CENPU: variants seen among roughly 807,000 people sequenced by gnomAD.
CENPU encodes the protein centromere protein U.
CENPU carries 46 observed loss-of-function variants against 56.7 expected under a neutral mutation model. The ratio of observed to expected loss-of-function variants is 0.81; its 90% CI spans 0.64 to 1.04. The LOEUF (loss-of-function observed/expected upper bound fraction) is 1.04. Among genes scored for constraint, CENPU ranks in the 50% least tolerant of loss-of-function variants. The pLI, the probability that CENPU is intolerant of heterozygous loss-of-function variation, is 0.00. For missense variants in CENPU, 510 were observed against 490.1 expected, an observed-to-expected ratio of 1.04 and a Z score of -0.38; for synonymous variants, 166 against 163.0, an observed-to-expected ratio of 1.02 and a Z score of -0.14.
At chr4:184,722,015 A>G (rs570038456) in intron 4 of CENPU, among the ~76,000 whole-genome samples, 131 of 152,376 alleles carry the variant, frequency 8.6e-4, no homozygotes, top group African/African-American at 2.9e-3. Flanking sequence ...CAAGTCTTAA[A>G]ACATTTTTTA....
At chr4:184,733,421 C>T (rs918489963) in intron 1 of CENPU, 1 of 993,378 alleles carries the variant, frequency 1.0e-6, no homozygotes, top group Non-Finnish European at 1.2e-6. Flanking sequence ...CCAGGCCGGG[C>T]CTTGGATGGC....
intron 8 of CENPU, among the ~76,000 whole-genome samples, chr4:184,705,897 C>A (rs571272089): frequency 6.6e-6 from 1 of 152,246 alleles, no homozygotes; most frequent in African/African-American, 2.4e-5. Flanking sequence ...GTGAAGTATT[C>A]GAAGTAGTCA....
At chr4:184,721,264 A>G (rs1316403317) in intron 4 of CENPU, among the ~76,000 whole-genome samples, 2 of 152,044 alleles carry the variant, frequency 1.3e-5, no homozygotes, top group Non-Finnish European at 2.9e-5. Context: ...AATACATAAA[A>G]AGAGCAAGAA....
rs192606008 is a variant in CENPU, at chr4:184,717,101, C to T, written c.381+35G>A. On this transcript the variant is annotated intron_variant, in intron 5 of 12. Transcript: ENST00000281453. ...ACTTGCATCCAATCAAACTATATTA[C>T]AAATTAAAGTAGAAGAGTGAATACT... The T allele has an allele frequency of 4.9e-5, 70 of 1,418,588 alleles. No individual in the cohort carries two copies. In the East Asian group the frequency reaches 1.6e-3, roughly 31 times the overall value. The allele number at this position is 1,418,588 out of a possible 1,614,324, so 87.9% of individuals were successfully genotyped here. A position where few individuals can be genotyped will look rare whatever the true frequency, so the allele number is the denominator to read the frequency against.
chr4:184,701,020 G>A, intron 10 of CENPU, 139 bp from the exon 11 acceptor site: 1 of 684,098 alleles, frequency 1.5e-6, no homozygotes, highest in South Asian at 1.6e-5. Context: ...TAATGGGGAA[G>A]ACAGACATTA....
rs183507398 is a variant in CENPU at position 184,734,068 on chromosome 4, C to T, written c.-6G>A. 10 of 1,550,722 alleles carry T rather than the reference C, an allele frequency of 6.4e-6. No individual in the cohort carries two copies. In the East Asian group the frequency reaches 9.7e-5, roughly 15 times the overall value. ...CGCCGCCCCCGCGGGGCCATGGTGC[C>T]GCTCTCCGCTCTCGAGCGACTGGAA... On this transcript the variant is annotated 5_prime_UTR_variant, in exon 1 of 13. Coordinates refer to ENST00000281453, the MANE Select transcript of CENPU (RefSeq NM_024629.4).
intron 4 of CENPU, among the ~76,000 whole-genome samples, chr4:184,720,053 C>G (rs1291472536): frequency 6.6e-6 from 1 of 152,088 alleles, no homozygotes; most frequent in Non-Finnish European, 1.5e-5. Context: ...AGGGACCAAT[C>G]CTGGAGAAAC....
rs774332532 is a variant in CENPU, at chr4:184,699,621, A to G, written c.986+1199T>C. ...CCAGAGACTCAATTTAGAAACCAAC[A>G]GATTAGACAACTGCTTTCTCCCACT... On this transcript the variant is annotated intron_variant, in intron 11 of 12. Coordinates refer to ENST00000281453, the MANE Select transcript of CENPU (RefSeq NM_024629.4). The G allele has an allele frequency of 2.3e-6, 3 of 1,288,374 alleles. No individual in the cohort carries two copies. The South Asian group carries it at 3.7e-5, about 16-fold the overall frequency. The allele number at this position is 1,288,374 out of a possible 1,614,324, so 79.8% of individuals were successfully genotyped here.
At chr4:184,719,319 G>A (rs982412229) in intron 4 of CENPU, among the ~76,000 whole-genome samples, 1 of 152,210 alleles carries the variant, frequency 6.6e-6, no homozygotes, top group African/African-American at 2.4e-5. Flanking sequence ...TGGCTGCGTG[G>A]CACAGAGAAT....
At chr4:184,698,812 C>T (rs1314885500) in intron 11 of CENPU, among the ~76,000 whole-genome samples, 1 of 152,294 alleles carries the variant, frequency 6.6e-6, no homozygotes, top group South Asian at 2.1e-4. Flanking sequence ...AACTGGCAGC[C>T]ATGGTCAGGA....
intron 8 of CENPU, among the ~76,000 whole-genome samples, chr4:184,703,478 AT>A (rs903419928): frequency 1.3e-5 from 2 of 152,308 alleles, no homozygotes; most frequent in African/African-American, 4.8e-5. Flanking sequence ...GATGGCTATT[AT>A]TAAAAAAAAA....
Position 184,695,207 on chromosome 4 carries a change from T to C in CENPU, c.*81A>G, listed in dbSNP as rs879899009. On this transcript the variant is annotated 3_prime_UTR_variant, in exon 13 of 13. Transcript: ENST00000281453. Reference sequence around the variant, plus strand: ...AGGCCATAACTTCTTTGCAAAACAATTGATTTATAAAGGTACAGTTTCAGA... The same window carrying C: ...AGGCCATAACTTCTTTGCAAAACAACTGATTTATAAAGGTACAGTTTCAGA... 11 of 939,510 alleles carry C rather than the reference T, an allele frequency of 1.2e-5. No individual in the cohort carries two copies. Among genetic ancestry groups the C allele is most frequent in the South Asian group, 6.9e-5 (5 of 72,498 alleles). The allele number at this position is 939,510 out of a possible 1,614,324, so 58.2% of individuals were successfully genotyped here.
intron 11 of CENPU, chr4:184,698,321 A>G (rs1386893515): frequency 6.6e-6 from 1 of 152,296 alleles, no homozygotes; most frequent in South Asian, 2.1e-4. Context: ...TTCTTCATCT[A>G]TAAAATAAAA....
rs559672304 is a variant in CENPU, at chr4:184,705,591, T to C, written c.798-3150A>G. Among the ~76,000 whole-genome samples, 183 of 151,302 alleles carry C rather than the reference T, an allele frequency of 1.2e-3. 1 individual carries two copies. Among genetic ancestry groups the C allele is most frequent in the African/African-American group, 4.2e-3 (174 of 41,140 alleles). On this transcript the variant is annotated intron_variant, in intron 8 of 12. Transcript: ENST00000281453. ...GAAGACATTTAATTAAAAAAAAAAG[T>C]TGTAACTTGTTATTACACATTGAAC...
chr4:184,730,774 G>T lies in CENPU; in HGVS notation c.96+146C>A, dbSNP rs980251158. The T allele has an allele frequency of 1.9e-5, 10 of 536,822 alleles. No homozygotes were observed. The East Asian group carries it at 2.9e-4, about 16-fold the overall frequency. The allele number at this position is 536,822 out of a possible 1,614,324, so 33.3% of individuals were successfully genotyped here. ...CAAAAGTCATTTTATCCACTATACC[G>T]GAAAAAGTGTGAGGAAAATGAACAC... On this transcript the variant is annotated intron_variant, in intron 2 of 12. Transcript: ENST00000281453.
intron 1 of CENPU, among the ~76,000 whole-genome samples, chr4:184,731,881 C>CTGTGTGTG (rs1491100516): frequency 3.4e-3 from 87 of 25,606 alleles, no homozygotes; most frequent in African/African-American, 0.011. Context: ...TACTCATGTG[C>CTGTGTGTG]TCTGTGTGTG....
At position 184,717,198 on chromosome 4, in the gene CENPU, T is replaced by C. The variant is rs752413881; in HGVS notation, c.321-2A>G. ...GCTTCATTTCCAGAAGTGTCTGAAC[T>C]GTAAAAAGTACAAGCCATCAATATC... On this transcript the variant is annotated splice_acceptor_variant, in intron 4 of 12. Transcript: ENST00000281453. LOFTEE classifies it high-confidence loss of function. 3.7e-6 allele frequency: 6 copies of C among 1,610,244 alleles called. No individual in the cohort carries two copies. The highest frequency in any genetic ancestry group is 5.1e-6 in the Non-Finnish European group (6 of 1,178,338).
At position 184,724,965 on chromosome 4, in the gene CENPU, TG is replaced by T. The variant is rs781565227; in HGVS notation, c.311del (p.Ala104GlufsTer18). ...SLSSTPPGKEAKRSSDTSGNE... is the reference protein window; with the variant it reads ...SLSSTPPGKEXKRSSDTSGNE... ...TTGAAATACACCAGTACCTTCTTTT[TG>T]CTTCTTTTCCTGGAGGAGTTGAAGA... On this transcript the variant is annotated frameshift_variant, in exon 4 of 13. Transcript: ENST00000281453. LOFTEE classifies it high-confidence loss of function. 3 of 1,604,654 alleles carry T rather than the reference TG, an allele frequency of 1.9e-6. No individual in the cohort carries two copies. The South Asian group carries it at 3.3e-5, about 18-fold the overall frequency.
At chr4:184,722,830 G>A (rs6552809) in intron 4 of CENPU, among the ~76,000 whole-genome samples, 27,127 of 152,096 alleles carry the variant, frequency 0.18, 2,724 homozygotes, top group African/African-American at 0.26. Context: ...TGCAGAAAGA[G>A]AAATTCAAGA....
Sources: allele counts gnomAD v4.1 joint callset (sites outside exome capture counted in the v4.1 genomes callset), GRCh38; gene constraint gnomAD v4.1.1; transcripts MANE v1.5; gene names NCBI Gene and HGNC (gene_info 2026-07-23, HGNC 2026-07-21).